Variants in HTR2C observed in about 807,000 individuals in gnomAD.
HTR2C encodes 5-hydroxytryptamine (serotonin) receptor 2C, G protein-coupled.
In HTR2C, 5 loss-of-function variants were observed where a neutral mutation model predicts 21.0. The ratio of observed to expected loss-of-function variants is 0.24; its 90% CI spans 0.12 to 0.50. HTR2C has a LOEUF of 0.50. HTR2C is among the 20% of genes least tolerant of loss of function. HTR2C has a pLI of 0.98. For synonymous variants in HTR2C, 150 were observed against 145.3 expected (o/e 1.03, Z -0.23); for missense variants, 271 against 371.2 (o/e 0.73, Z 2.22).
At chrX:114,782,818 C>A (rs782000043) in intron 4 of HTR2C, among the ~76,000 whole-genome samples, 1 of 111,524 alleles carries the variant, frequency 9.0e-6, no homozygotes, top group Non-Finnish European at 1.9e-5. Context: ...TTTAAATGTT[C>A]TAAATTCATT....
At chrX:114,863,102 T>C (rs1556473516) in intron 5 of HTR2C, among the ~76,000 whole-genome samples, 3 of 112,005 alleles carry the variant, frequency 2.7e-5, no homozygotes, top group Non-Finnish European at 5.7e-5. Context: ...TGATGGACAC[T>C]TAGGTAGATT....
At chrX:114,785,745 C>T (rs1371964963) in intron 4 of HTR2C, among the ~76,000 whole-genome samples, 1 of 111,937 alleles carries the variant, frequency 8.9e-6, no homozygotes, top group African/African-American at 3.2e-5. Flanking sequence ...CAGAAAGCAG[C>T]AATTTAAAGA....
At chrX:114,777,392 G>C (rs2070069493) in intron 4 of HTR2C, among the ~76,000 whole-genome samples, 1 of 111,820 alleles carries the variant, frequency 8.9e-6, no homozygotes, top group Non-Finnish European at 1.9e-5. Flanking sequence ...ATACAGAGAT[G>C]TGTACCAGGG....
At chrX:114,869,352 T>C (rs2071073717) in intron 5 of HTR2C, among the ~76,000 whole-genome samples, 1 of 112,015 alleles carries the variant, frequency 8.9e-6, no homozygotes, top group Non-Finnish European at 1.9e-5. Context: ...TTTGGGTATA[T>C]ACCCAGTAAT....
At chrX:114,790,998 CA>C (rs782105420) in intron 4 of HTR2C, among the ~76,000 whole-genome samples, 91 of 85,621 alleles carry the variant, frequency 1.1e-3, no homozygotes, top group Admixed American at 1.5e-3. Flanking sequence ...ACCCTGTCTC[CA>C]AAAAAAAAAA....
chrX:114,609,521 G>T (rs1274365747), intron 1 of HTR2C, among the ~76,000 whole-genome samples: 1 of 111,104 alleles, frequency 9.0e-6, no homozygotes, highest in Non-Finnish European at 1.9e-5. Flanking sequence ...GGTTGACCAC[G>T]TTCGGTTGGA....
intron 4 of HTR2C, among the ~76,000 whole-genome samples, chrX:114,806,651 A>C (rs1465392908): frequency 1.0e-5 from 1 of 96,470 alleles, no homozygotes; most frequent in African/African-American, 3.9e-5. Context: ...TATATATACC[A>C]TATATATACA....
At chrX:114,595,348 G>C (rs1556392309) in intron 1 of HTR2C, among the ~76,000 whole-genome samples, 1 of 107,175 alleles carries the variant, frequency 9.3e-6, no homozygotes, top group Non-Finnish European at 1.9e-5. Flanking sequence ...CTCTCGAGTA[G>C]CTGGAACTGT....
intron 4 of HTR2C, among the ~76,000 whole-genome samples, chrX:114,821,492 A>C (rs1270407233): frequency 2.7e-5 from 3 of 111,784 alleles, no homozygotes; most frequent in Non-Finnish European, 5.6e-5. Flanking sequence ...TATATCCTAT[A>C]TCTTTGGCTT....
chrX:114,854,996 A>C (rs146357220), intron 5 of HTR2C, among the ~76,000 whole-genome samples: 89 of 112,092 alleles, frequency 7.9e-4, no homozygotes, highest in African/African-American at 2.6e-3. Context: ...ATCGTTAGAG[A>C]AATGTTTTAC....
intron 2 of HTR2C, among the ~76,000 whole-genome samples, chrX:114,676,614 C>T (rs1308588937): frequency 3.6e-5 from 4 of 111,997 alleles, no homozygotes; most frequent in African/African-American, 9.7e-5. Flanking sequence ...TTATTTCATA[C>T]GAATTTATTA....
intron 2 of HTR2C, among the ~76,000 whole-genome samples, chrX:114,657,517 A>C (rs1930825709): frequency 9.0e-6 from 1 of 110,925 alleles, no homozygotes; most frequent in Non-Finnish European, 1.9e-5. Flanking sequence ...TAATATGGAA[A>C]ACATTTAGTG....
intron 4 of HTR2C, among the ~76,000 whole-genome samples, chrX:114,804,386 TC>T (rs1833873569): frequency 8.9e-6 from 1 of 111,821 alleles, no homozygotes; most frequent in South Asian, 3.7e-4. Context: ...AGAATGAAAA[TC>T]ATTAAGAAAT....
chrX:114,788,361 A>G (rs920154685), intron 4 of HTR2C, among the ~76,000 whole-genome samples: 1 of 110,594 alleles, frequency 9.0e-6, no homozygotes, highest in Non-Finnish European at 1.9e-5. Flanking sequence ...CCCGGGTTCA[A>G]GCAATTCTCC....
intron 2 of HTR2C, among the ~76,000 whole-genome samples, chrX:114,629,441 G>C (rs1282320684): frequency 1.8e-5 from 2 of 111,905 alleles, no homozygotes; most frequent in African/African-American, 6.5e-5. Context: ...TCTGAGAAAA[G>C]TTCCAAACCT....
intron 4 of HTR2C, among the ~76,000 whole-genome samples, chrX:114,812,951 C>G (rs1392427009): frequency 9.0e-6 from 1 of 110,817 alleles, no homozygotes; most frequent in Non-Finnish European, 1.9e-5. Flanking sequence ...CATGTATTTA[C>G]CAGACAAGTG....
intron 5 of HTR2C, among the ~76,000 whole-genome samples, chrX:114,894,796 C>T (rs1386186088): frequency 1.8e-5 from 2 of 110,764 alleles, no homozygotes; most frequent in African/African-American, 6.6e-5. Context: ...TCTCGGCTCA[C>T]TGCAACCTCT....
intron 2 of HTR2C, among the ~76,000 whole-genome samples, chrX:114,684,476 C>T (rs1556413959): frequency 8.9e-6 from 1 of 111,819 alleles, no homozygotes; most frequent in South Asian, 3.7e-4. Flanking sequence ...TTATTTTCTT[C>T]TTAGAAGCCA....
chrX:114,851,317 G>T (rs1416164384), intron 5 of HTR2C, among the ~76,000 whole-genome samples: 1 of 111,598 alleles, frequency 9.0e-6, no homozygotes, highest in Admixed American at 9.5e-5. Context: ...ACATTCCAAA[G>T]GGTTGGAATA....
Sources: allele counts gnomAD v4.1 joint callset (sites outside exome capture counted in the v4.1 genomes callset), GRCh38; gene constraint gnomAD v4.1.1; transcripts MANE v1.5; gene names NCBI Gene and HGNC (gene_info 2026-07-23, HGNC 2026-07-21).